The following DDIAS variants were observed in gnomAD, a reference collection of about 807,000 sequenced individuals.
DDIAS encodes the protein DNA damage induced apoptosis suppressor, also known as DNA damage-induced apoptosis suppressor protein.
In DDIAS, 14 loss-of-function variants were observed where a neutral mutation model predicts 15.7. That is an observed-to-expected ratio of 0.89 (90% CI 0.59 to 1.39). DDIAS has a LOEUF of 1.39. Ranked by LOEUF, DDIAS falls within the 40% of genes most tolerant of loss-of-function variation. The pLI is 0.00. For synonymous variants in DDIAS, 355 were observed against 395.9 expected (o/e 0.90, Z 1.23); for missense variants, 1,035 against 1,130.9 (o/e 0.92, Z 1.22).
At chr11:82,915,423 C>T (rs992457223) in intron 3 of DDIAS, among the ~76,000 whole-genome samples, 4 of 152,076 alleles carry the variant, frequency 2.6e-5, no homozygotes, top group African/African-American at 4.8e-5. Flanking sequence ...CTCTCTGCAT[C>T]GAAGAGAGGA....
intron 1 of DDIAS, among the ~76,000 whole-genome samples, chr11:82,910,279 CT>C (rs71063240): frequency 0.058 from 7,460 of 129,710 alleles, 202 homozygotes; most frequent in African/African-American, 0.14. Context: ...ACAAACCAAC[CT>C]TTTTTTTTTT....
intron 2 of DDIAS, chr11:82,913,972 T>C (rs1472414610): frequency 2.3e-6 from 1 of 438,920 alleles, no homozygotes; most frequent in East Asian, 7.2e-5. Context: ...GTTTTGCTCT[T>C]GTTGCCCAGG....
At chr11:82,910,343 T>C (rs1384274733) in intron 1 of DDIAS, among the ~76,000 whole-genome samples, 1 of 150,518 alleles carries the variant, frequency 6.6e-6, no homozygotes, top group African/African-American at 2.4e-5. Flanking sequence ...TGCAGTGGCA[T>C]GATCTCGGCT....
At chr11:82,931,297 T>C (rs1358888323) in intron 5 of DDIAS, among the ~76,000 whole-genome samples, 1 of 152,124 alleles carries the variant, frequency 6.6e-6, no homozygotes, top group East Asian at 1.9e-4. Flanking sequence ...AGAATCGAAA[T>C]TGGAATTGGG....
chr11:82,929,413 G>A (rs1201665560), intron 4 of DDIAS, among the ~76,000 whole-genome samples: 1 of 152,314 alleles, frequency 6.6e-6, no homozygotes, highest in East Asian at 1.9e-4. Flanking sequence ...AGCAATTAAA[G>A]CTTTTCTTGG....
intron 3 of DDIAS, among the ~76,000 whole-genome samples, chr11:82,924,163 GT>G (rs1445233071): frequency 1.3e-5 from 2 of 152,106 alleles, no homozygotes; most frequent in African/African-American, 4.8e-5. Context: ...ATAGATCATA[GT>G]TTTCTTACTT....
At position 82,922,225 on chromosome 11, in the gene DDIAS, C is replaced by A. The variant is rs902965326; in HGVS notation, c.114-6552C>A. ...TTTTGTGATGAATTTCCCAGATGCT[C>A]TTTATGCTTCTTGTATTTAGATGCC... On this transcript the variant is annotated intron_variant, in intron 3 of 5. Transcript: ENST00000533655. Among the ~76,000 whole-genome samples, 32 of 152,282 alleles carry A rather than the reference C, an allele frequency of 2.1e-4. 1 individual carries two copies. The highest frequency in any genetic ancestry group is 7.5e-4 in the African/African-American group (31 of 41,570).
rs1451028689 is a variant in DDIAS, at chr11:82,928,766, C to T, written c.114-11C>T. 1 of 1,608,746 alleles carries T rather than the reference C, an allele frequency of 6.2e-7. No individual in the cohort carries two copies. The highest frequency in any genetic ancestry group is 2.2e-5 in the East Asian group (1 of 44,612). ...TGAACATCTCCACACTTTTTTCCACCACTTTTCTAGGTCTAATTGTCCAAA... is the reference window on the plus strand; with the variant it reads ...TGAACATCTCCACACTTTTTTCCACTACTTTTCTAGGTCTAATTGTCCAAA... On this transcript the variant is annotated splice_polypyrimidine_tract_variant and intron_variant, in intron 3 of 5. Coordinates refer to ENST00000533655, the MANE Select transcript of DDIAS (RefSeq NM_145018.4).
At chr11:82,906,417 T>C (rs1860433026) in intron 1 of DDIAS, among the ~76,000 whole-genome samples, 1 of 152,174 alleles carries the variant, frequency 6.6e-6, no homozygotes, top group African/African-American at 2.4e-5. Context: ...CCTTTAAAAG[T>C]ATAGTAATAA....
At chr11:82,911,178 T>G (rs1386534829) in intron 1 of DDIAS, among the ~76,000 whole-genome samples, 1 of 152,128 alleles carries the variant, frequency 6.6e-6, no homozygotes, top group Admixed American at 6.6e-5. Flanking sequence ...TTGCTGAAGG[T>G]TGGGGTTGCA....
chr11:82,914,913 G>A, intron 3 of DDIAS, 62 bp downstream of exon 3: 3 of 1,115,952 alleles, frequency 2.7e-6, no homozygotes, highest in Non-Finnish European at 3.9e-6. Flanking sequence ...GATTTCCTAT[G>A]GCTCAAGGGC....
chr11:82,928,714 AT>A, intron 3 of DDIAS, 62 bp from the exon 4 acceptor site: 1 of 1,537,188 alleles, frequency 6.5e-7, no homozygotes. Flanking sequence ...ACTGTTCTGG[AT>A]TTTTCATCAT....
In DDIAS at chr11:82,934,118, C is replaced by T. The variant is rs750691191; in HGVS notation, c.2780C>T (p.Ala927Val). ...IKKKLKNMLA[A>V]VVTKKKTHKY... ...AAGAAATTAAAGAATATGCTTGCAG[C>T]AGTTGTTACGAAAAAGAAAACTCAT... Residue 927 changes from alanine (A) to valine (V), a missense_variant, in exon 6 of 6, where the codon GCA becomes GTA. Physicochemically the swap from Ala to Val is moderately conservative, Grantham distance 64. Transcript: ENST00000533655. 6.2e-6 allele frequency: 10 copies of T among 1,609,194 alleles called. No homozygotes were observed. The Admixed American group carries it at 1.7e-4, about 27-fold the overall frequency.
At chr11:82,930,737 A>G (rs1860963354) in intron 5 of DDIAS, among the ~76,000 whole-genome samples, 1 of 120,986 alleles carries the variant, frequency 8.3e-6, no homozygotes. Context: ...AAGTGACTGT[A>G]GAAGAAGTTA....
chr11:82,905,369 T>G (rs764292921), intron 1 of DDIAS, among the ~76,000 whole-genome samples: 5 of 152,204 alleles, frequency 3.3e-5, no homozygotes, highest in Non-Finnish European at 5.9e-5. Flanking sequence ...TTATAGTATT[T>G]ATTGATTTTT....
intron 1 of DDIAS, among the ~76,000 whole-genome samples, chr11:82,911,016 A>C (rs1860522565): frequency 6.6e-6 from 1 of 152,228 alleles, no homozygotes; most frequent in African/African-American, 2.4e-5. Context: ...CTAAGTATGC[A>C]ATAGCATTAT....
At chr11:82,927,105 T>G (rs1356739635) in intron 3 of DDIAS, among the ~76,000 whole-genome samples, 1 of 152,244 alleles carries the variant, frequency 6.6e-6, no homozygotes, top group Non-Finnish European at 1.5e-5. Flanking sequence ...AAATTTTACC[T>G]ATAAAAATGA....
Position 82,914,800 on chromosome 11 carries a change from T to C in DDIAS, c.62T>C (p.Ile21Thr). ...SVLALQNSSF[I>T]YPSCQKCFSR... The stretch of plus-strand genomic sequence containing the variant: ...CTTGCTCTCCAGAATTCAAGTTTTA[T>C]ATATCCATCATGTCAGAAGTGCTTC... Residue 21 changes from isoleucine (I) to threonine (T), a missense_variant, in exon 3 of 6, where the codon ATA becomes ACA. Physicochemically the swap from Ile to Thr is moderately conservative, Grantham distance 89 (BLOSUM62 -1). Transcript: ENST00000533655. The C allele has an allele frequency of 6.2e-7, 1 of 1,611,458 alleles. No homozygotes were observed. Among genetic ancestry groups the C allele is most frequent in the Middle Eastern group, 1.7e-4 (1 of 6,056 alleles).
Position 82,914,740 on chromosome 11 carries a change from TGAACAGAA to T in DDIAS, c.5_12del (p.Asn2_?4), listed in dbSNP as rs1860598623. On this transcript the variant is annotated frameshift_variant and start_lost, in exon 3 of 6. Coordinates refer to ENST00000533655, the MANE Select transcript of DDIAS (RefSeq NM_145018.4). LOFTEE classifies it high-confidence loss of function. ...TTTTGCAGACCACGGTGTGAACACATGAACAGAAGACGAAAATTTCTTCTAGCCTCAGT... is the reference window on the plus strand; with the variant it reads ...TTTTGCAGACCACGGTGTGAACACATGACGAAAATTTCTTCTAGCCTCAGT... 3 of 1,579,462 alleles carry T rather than the reference TGAACAGAA, an allele frequency of 1.9e-6. No individual in the cohort carries two copies. The highest frequency in any genetic ancestry group is 1.3e-5 in the African/African-American group (1 of 74,108).
Sources: gnomAD v4.1 joint callset for allele counts (sites outside exome capture counted in the v4.1 genomes callset) on GRCh38, gnomAD v4.1.1 for gene constraint, MANE v1.5 for transcripts, NCBI Gene and HGNC (gene_info 2026-07-23, HGNC 2026-07-21) for gene names.